Variants in CTNNA3 observed in about 807,000 individuals in gnomAD.
CTNNA3 encodes the protein catenin alpha 3.
Under a neutral mutation model 95.7 loss-of-function variants are expected in CTNNA3, and 76 were observed. The observed-to-expected ratio is 0.79, with a 90% confidence interval of 0.66 to 0.96. CTNNA3 has a LOEUF of 0.96. Among genes scored for constraint, CTNNA3 ranks in the 40% least tolerant of loss-of-function variants. CTNNA3 has a pLI of 0.00. For synonymous variants in CTNNA3, 431 were observed against 374.4 expected, an observed-to-expected ratio of 1.15 and a Z score of -1.74; for missense variants, 1,191 against 1,089.8, an observed-to-expected ratio of 1.09 and a Z score of -1.31.
intron 10 of CTNNA3, among the ~76,000 whole-genome samples, chr10:66,576,894 T>A (rs1428183849): frequency 2.6e-5 from 4 of 151,640 alleles, no homozygotes; most frequent in African/African-American, 4.8e-5. Context: ...TCAAGTTCTT[T>A]GAGAAATCTC....
intron 9 of CTNNA3, among the ~76,000 whole-genome samples, chr10:66,721,408 A>G (rs1169071665): frequency 6.6e-6 from 1 of 152,184 alleles, no homozygotes; most frequent in African/African-American, 2.4e-5. Context: ...TTATTAGTAT[A>G]GTAGTGCATA....
At chr10:66,460,237 G>GT (rs1329745890) in intron 11 of CTNNA3, among the ~76,000 whole-genome samples, 3 of 152,122 alleles carry the variant, frequency 2.0e-5, no homozygotes, top group African/African-American at 7.2e-5. Context: ...CTGTCCAATT[G>GT]TTTTAAACAG....
chr10:66,514,150 T>A (rs906401235), intron 11 of CTNNA3, among the ~76,000 whole-genome samples: 2 of 152,194 alleles, frequency 1.3e-5, no homozygotes, highest in African/African-American at 4.8e-5. Flanking sequence ...GAAGATTTTT[T>A]AAAATATTAA....
At chr10:66,355,465 C>A (rs1216819845) in intron 12 of CTNNA3, among the ~76,000 whole-genome samples, 2 of 152,050 alleles carry the variant, frequency 1.3e-5, no homozygotes, top group Non-Finnish European at 2.9e-5. Flanking sequence ...TTCCCTCTAA[C>A]CCTTGAGAAC....
intron 5 of CTNNA3, among the ~76,000 whole-genome samples, chr10:67,428,242 A>G (rs1293488397): frequency 1.3e-5 from 2 of 152,098 alleles, no homozygotes; most frequent in Admixed American, 1.3e-4. Context: ...GATGAATTAA[A>G]TGCTCTTATC....
At chr10:66,091,618 C>G (rs1022983286) in intron 14 of CTNNA3, among the ~76,000 whole-genome samples, 2 of 151,606 alleles carry the variant, frequency 1.3e-5, no homozygotes, top group African/African-American at 2.4e-5. Flanking sequence ...TGTAATACAT[C>G]AGAGAGTGAA....
intron 10 of CTNNA3, among the ~76,000 whole-genome samples, chr10:66,571,190 G>A (rs944324948): frequency 1.3e-5 from 2 of 152,026 alleles, no homozygotes; most frequent in Non-Finnish European, 2.9e-5. Flanking sequence ...AAGTTGTATC[G>A]AAGCATTTGT....
At chr10:67,434,543 A>G (rs1269492323) in intron 5 of CTNNA3, among the ~76,000 whole-genome samples, 1 of 151,964 alleles carries the variant, frequency 6.6e-6, no homozygotes, top group African/African-American at 2.4e-5. Context: ...TTTACTGACT[A>G]TAAAAACTCA....
intron 7 of CTNNA3, among the ~76,000 whole-genome samples, chr10:66,866,599 A>C (rs770617943): frequency 1.3e-5 from 2 of 152,166 alleles, no homozygotes; most frequent in Non-Finnish European, 2.9e-5. Flanking sequence ...GACTCTACAA[A>C]ATATAAAATG....
chr10:67,273,607 C>T (rs554837741), intron 5 of CTNNA3, among the ~76,000 whole-genome samples: 2 of 152,212 alleles, frequency 1.3e-5, no homozygotes, highest in Non-Finnish European at 2.9e-5. Flanking sequence ...GTATGTTCCA[C>T]AGAAAGCCTT....
chr10:66,028,478 A>G (rs1217932630), intron 15 of CTNNA3, among the ~76,000 whole-genome samples: 2 of 152,220 alleles, frequency 1.3e-5, no homozygotes, highest in East Asian at 1.9e-4. Context: ...CATCATTCTC[A>G]GCAAACTATC....
chr10:67,481,860 T>A (rs1848244724), intron 5 of CTNNA3, among the ~76,000 whole-genome samples: 1 of 152,132 alleles, frequency 6.6e-6, no homozygotes, highest in South Asian at 2.1e-4. Flanking sequence ...TAGGTTTTCT[T>A]CTAGGGTTTT....
chr10:66,424,196 TA>T (rs1203773929), intron 11 of CTNNA3, among the ~76,000 whole-genome samples: 1 of 151,398 alleles, frequency 6.6e-6, no homozygotes, highest in African/African-American at 2.4e-5. Context: ...TTCCCTGTAT[TA>T]AAAAAAAATT....
chr10:67,526,703 AAAC>A (rs1336630296), intron 4 of CTNNA3, among the ~76,000 whole-genome samples: 1 of 152,254 alleles, frequency 6.6e-6, no homozygotes, highest in Non-Finnish European at 1.5e-5. Flanking sequence ...AACAAAAGAG[AAAC>A]AACTCTTACC....
intron 7 of CTNNA3, among the ~76,000 whole-genome samples, chr10:67,109,664 GA>G (rs895842282): frequency 6.6e-6 from 1 of 152,094 alleles, no homozygotes; most frequent in Non-Finnish European, 1.5e-5. Context: ...CCAACATGGT[GA>G]AACCCCGCCT....
intron 7 of CTNNA3, among the ~76,000 whole-genome samples, chr10:66,803,459 A>G (rs988168897): frequency 5.9e-5 from 9 of 151,932 alleles, no homozygotes; most frequent in African/African-American, 9.7e-5. Flanking sequence ...CCTCTGTTCA[A>G]TTCTGCACTG....
intron 7 of CTNNA3, among the ~76,000 whole-genome samples, chr10:66,979,010 G>T (rs1850252533): frequency 1.4e-5 from 2 of 138,658 alleles, no homozygotes; most frequent in Non-Finnish European, 3.0e-5. Flanking sequence ...TGCCACCCAG[G>T]CTGGAGTGCA....
chr10:66,870,917 G>A (rs541449491), intron 7 of CTNNA3, among the ~76,000 whole-genome samples: 1 of 152,270 alleles, frequency 6.6e-6, no homozygotes, highest in Non-Finnish European at 1.5e-5. Flanking sequence ...AGTCTACACA[G>A]AGCTAAAAAA....
At chr10:66,940,692 T>C (rs1459332448) in intron 7 of CTNNA3, among the ~76,000 whole-genome samples, 1 of 152,204 alleles carries the variant, frequency 6.6e-6, no homozygotes, top group Non-Finnish European at 1.5e-5. Context: ...AACTCAGTTT[T>C]AAGATCCAGC....
Sources: allele counts gnomAD v4.1 joint callset (sites outside exome capture counted in the v4.1 genomes callset), GRCh38; gene constraint gnomAD v4.1.1; transcripts MANE v1.5; gene names NCBI Gene and HGNC (gene_info 2026-07-23, HGNC 2026-07-21).